Variants in RPS6KB1 observed in about 807,000 individuals in gnomAD.
RPS6KB1 encodes ribosomal protein S6 kinase B1.
Under a neutral mutation model 70.2 loss-of-function variants are expected in RPS6KB1, and 12 were observed. The observed-to-expected ratio is 0.17, with a 90% CI of 0.11 to 0.28. The LOEUF is 0.28. Ranked by LOEUF, RPS6KB1 falls within the 10% of genes least tolerant of loss-of-function variation. RPS6KB1 has a pLI of 1.00. For missense variants in RPS6KB1, 270 were observed against 646.6 expected (o/e 0.42, Z 6.32); for synonymous variants, 175 against 211.2 (o/e 0.83, Z 1.49).
At chr17:59,936,371 A>G (rs758146051) in intron 11 of RPS6KB1, 93 bp from the exon 12 acceptor site, 1 of 1,515,850 alleles carries the variant, frequency 6.6e-7, no homozygotes, top group Non-Finnish European at 9.1e-7. Context: ...AGTTTAGCTT[A>G]TTTTGTGACT....
chr17:59,942,686 T>G (rs1477820761), intron 13 of RPS6KB1, among the ~76,000 whole-genome samples: 1 of 152,174 alleles, frequency 6.6e-6, no homozygotes, highest in Non-Finnish European at 1.5e-5. Flanking sequence ...ATACAAGTAG[T>G]GTTGTATCTT....
In RPS6KB1 at chr17:59,947,141, G is replaced by C. The variant is rs2145088800; in HGVS notation, c.*353G>C. 1 of 1,074,906 alleles carries C rather than the reference G, an allele frequency of 9.3e-7. No homozygotes were observed. The highest frequency in any genetic ancestry group is 1.1e-6 in the Non-Finnish European group (1 of 885,466). 66.6% of individuals were successfully genotyped at this position (1,074,906 alleles called of 1,614,324 possible). A position where few individuals can be genotyped will look rare whatever the true frequency, so the allele number is the denominator to read the frequency against. On this transcript the variant is annotated 3_prime_UTR_variant, in exon 15 of 15. Transcript: ENST00000225577. ...TGAGTTCTGATTGTGTTGAAGAAGGGTTATCCTTTCATTAGGCAAAGTACA... is the reference window on the plus strand; with the variant it reads ...TGAGTTCTGATTGTGTTGAAGAAGGCTTATCCTTTCATTAGGCAAAGTACA...
intron 12 of RPS6KB1, among the ~76,000 whole-genome samples, chr17:59,937,270 G>T (rs2044299143): frequency 6.6e-6 from 1 of 152,012 alleles, no homozygotes; most frequent in Non-Finnish European, 1.5e-5. Flanking sequence ...CAGGTAGTTG[G>T]GACTTTCCTT....
At position 59,893,906 on chromosome 17, in the gene RPS6KB1, C is replaced by CATCTTCCA. The variant is rs2041320783; in HGVS notation, c.141+590_141+597dup. Reference sequence around the variant, plus strand: ...TTTCGGGAGCAAGGGGGCTCTGCTGCATCTTCCAATCTTCCAGGGTTTGTT... The same window carrying CATCTTCCA: ...TTTCGGGAGCAAGGGGGCTCTGCTGCATCTTCCAATCTTCCAATCTTCCAGGGTTTGTT... On this transcript the variant is annotated intron_variant, in intron 1 of 14. Coordinates refer to ENST00000225577, the MANE Select transcript of RPS6KB1 (RefSeq NM_003161.4). This position sits in a 1 kb window ranked among gnomAD's most constrained non-coding sequence, Gnocchi z 4.1. The CATCTTCCA allele has an allele frequency of 1.0e-6, 1 of 984,482 alleles. No homozygotes were observed. Among genetic ancestry groups the CATCTTCCA allele is most frequent in the African/African-American group, 1.8e-5 (1 of 57,000 alleles). 61.0% of individuals were successfully genotyped at this position (984,482 alleles called of 1,614,324 possible).
chr17:59,907,022 A>T (rs1389901038), intron 1 of RPS6KB1: 1 of 143,618 alleles, frequency 7.0e-6, no homozygotes, highest in East Asian at 2.1e-4. Flanking sequence ...TTTTTTTGAG[A>T]CAGAGTCTCA....
rs548419394 is a variant in RPS6KB1 at position 59,934,651 on chromosome 17, C to G, written c.870+127C>G. The stretch of plus-strand genomic sequence containing the variant: ...TCAAAGCCCAAAGATTTGTTATTAG[C>G]AGTTTAACACTAATAATGCTGTATG... On this transcript the variant is annotated intron_variant, in intron 9 of 14. Coordinates refer to ENST00000225577, the MANE Select transcript of RPS6KB1 (RefSeq NM_003161.4). This position sits in a 1 kb window ranked among gnomAD's most constrained non-coding sequence, Gnocchi z 4.8. 1.6e-6 allele frequency: 1 copy of G among 640,992 alleles called. No individual in the cohort carries two copies. The highest frequency in any genetic ancestry group is 2.7e-5 in the East Asian group (1 of 37,002). The allele number at this position is 640,992 out of a possible 1,614,324, so 39.7% of individuals were successfully genotyped here. A position where few individuals can be genotyped will look rare whatever the true frequency, so the allele number is the denominator to read the frequency against.
At chr17:59,899,091 C>T (rs547946995) in intron 1 of RPS6KB1, among the ~76,000 whole-genome samples, 2 of 151,832 alleles carry the variant, frequency 1.3e-5, no homozygotes, top group African/African-American at 4.8e-5. Context: ...GTAATCCCAG[C>T]TACTCGGGAG....
intron 1 of RPS6KB1, among the ~76,000 whole-genome samples, chr17:59,901,442 C>A (rs2041935809): frequency 6.6e-6 from 1 of 150,450 alleles, no homozygotes; most frequent in African/African-American, 2.4e-5. Context: ...AGCCACCGCG[C>A]CTGGCCGAGA....
chr17:59,904,986 C>T (rs978966263), intron 1 of RPS6KB1, among the ~76,000 whole-genome samples: 17 of 151,704 alleles, frequency 1.1e-4, no homozygotes, highest in South Asian at 4.2e-4. Context: ...TGAGCGACTG[C>T]GCCTGGCTGC....
chr17:59,893,351 C>A lies in RPS6KB1; in HGVS notation c.141+26C>A. 6.3e-7 allele frequency: 1 copy of A among 1,581,782 alleles called. No individual in the cohort carries two copies. The highest frequency in any genetic ancestry group is 2.3e-5 in the East Asian group (1 of 43,158). ...GTGAGGCCCGGGGTCCCCGGGGGCC[C>A]GAGGTGACAGGGCCGGGGCGGCGGC... On this transcript the variant is annotated intron_variant, in intron 1 of 14. Transcript: ENST00000225577. This position sits in a 1 kb window ranked among gnomAD's most constrained non-coding sequence, Gnocchi z 4.1.
At chr17:59,933,410 T>C (rs1036240039) in intron 7 of RPS6KB1, among the ~76,000 whole-genome samples, 27 of 152,134 alleles carry the variant, frequency 1.8e-4, no homozygotes, top group Non-Finnish European at 3.7e-4. Flanking sequence ...TCTGTGAAAA[T>C]AAAGGCCATA....
intron 2 of RPS6KB1, chr17:59,912,139 G>A: frequency 6.5e-6 from 1 of 154,628 alleles, no homozygotes. Flanking sequence ...TGGGGTGCTT[G>A]ATGCTTATGA....
In RPS6KB1 at chr17:59,916,393, C is replaced by A. The variant is rs746449057; in HGVS notation, c.381+1690C>A. Among the ~76,000 whole-genome samples, 3 of 152,234 alleles carry A rather than the reference C, an allele frequency of 2.0e-5. No individual in the cohort carries two copies. In the South Asian group the frequency reaches 6.2e-4, roughly 32 times the overall value. ...GGGATTACAGGCGTGAGCCACCGAG[C>A]CTGGCAGTATTAACTTTCTTTTATG... On this transcript the variant is annotated intron_variant, in intron 4 of 14. Transcript: ENST00000225577.
At chr17:59,943,890 T>TTATATATATATATATATATATACTTATA (rs34821995) in intron 13 of RPS6KB1, among the ~76,000 whole-genome samples, 1 of 132,430 alleles carries the variant, frequency 7.6e-6, no homozygotes, top group Non-Finnish European at 1.6e-5. Flanking sequence ...AAAAAAAAAA[T>TTATATATATATATATATATATACTTATA]TATATATATA....
intron 13 of RPS6KB1, 60 bp downstream of exon 13, chr17:59,941,003 A>G: frequency 9.4e-7 from 1 of 1,069,346 alleles, no homozygotes; most frequent in Middle Eastern, 2.1e-4. Flanking sequence ...GGGCTCTTCA[A>G]AGAAAATTCA....
At chr17:59,932,326 C>A (rs1012115879) in intron 7 of RPS6KB1, among the ~76,000 whole-genome samples, 1 of 151,712 alleles carries the variant, frequency 6.6e-6, no homozygotes, top group African/African-American at 2.4e-5. Flanking sequence ...GTGGGAGAAT[C>A]GCCTGAACCC....
intron 4 of RPS6KB1, among the ~76,000 whole-genome samples, chr17:59,924,732 AG>A (rs1410750470): frequency 1.3e-5 from 2 of 151,916 alleles, no homozygotes; most frequent in African/African-American, 4.8e-5. Context: ...CTTGTACAAA[AG>A]ATAGCATAGT....
chr17:59,920,585 C>G (rs2144867025), intron 4 of RPS6KB1, among the ~76,000 whole-genome samples: 1 of 152,278 alleles, frequency 6.6e-6, no homozygotes, highest in East Asian at 1.9e-4. Context: ...ATTTGACTTT[C>G]CTGTTGGAAT....
chr17:59,893,428 C>T lies in RPS6KB1; in HGVS notation c.141+103C>T. 8.1e-7 allele frequency: 1 copy of T among 1,231,462 alleles called. No individual in the cohort carries two copies. Among genetic ancestry groups the T allele is most frequent in the Non-Finnish European group, 1.1e-6 (1 of 882,722 alleles). 76.3% of individuals were successfully genotyped at this position (1,231,462 alleles called of 1,614,324 possible). The stretch of plus-strand genomic sequence containing the variant: ...TAGAGCGTGGAGACCCAGGGGGGCT[C>T]CTGAGGAGCTGAGGGTCGCGCGGCC... On this transcript the variant is annotated intron_variant, in intron 1 of 14. Transcript: ENST00000225577. The surrounding 1 kb of genome is among the most constrained non-coding windows in gnomAD (Gnocchi z 4.1).
Sources: gnomAD v4.1 joint callset for allele counts (sites outside exome capture counted in the v4.1 genomes callset) on GRCh38, gnomAD v4.1.1 for gene constraint, Gnocchi (gnomAD v3.1) non-coding constraint, MANE v1.5 for transcripts, NCBI Gene and HGNC (gene_info 2026-07-23, HGNC 2026-07-21) for gene names.